NFATC2: variants seen among roughly 807,000 people sequenced by gnomAD.
NFATC2 encodes the protein nuclear factor of activated T-cells, cytoplasmic 2.
Under a neutral mutation model 87.3 loss-of-function variants are expected in NFATC2, and 22 were observed. That is an observed-to-expected ratio of 0.25 (90% confidence interval 0.18 to 0.36). The LOEUF is 0.36. Among genes scored for constraint, NFATC2 ranks in the 10% least tolerant of loss-of-function variants. The probability of loss-of-function intolerance (pLI) is 1.00; values close to 1 mark genes in which losing one functional copy is unlikely to be tolerated. For synonymous variants in NFATC2, 565 were observed against 542.2 expected (o/e 1.04, Z -0.58); for missense variants, 1,149 against 1,259.1 (o/e 0.91, Z 1.32).
At chr20:51,410,732 A>T (rs1344561980) in intron 9 of NFATC2, among the ~76,000 whole-genome samples, 1 of 152,150 alleles carries the variant, frequency 6.6e-6, no homozygotes, top group African/African-American at 2.4e-5. Flanking sequence ...TGGCACATCT[A>T]GAGAGCATTC....
At chr20:51,396,301 GA>G (rs2146214102) in intron 10 of NFATC2, among the ~76,000 whole-genome samples, 1 of 152,062 alleles carries the variant, frequency 6.6e-6, no homozygotes, top group African/African-American at 2.4e-5. Flanking sequence ...TCAGAGCTCA[GA>G]GGTTCCCAAA....
rs576559023 is a variant in NFATC2 at position 51,497,328 on chromosome 20, A to G, written c.1332+19456T>C. 3.3e-5 allele frequency among the ~76,000 whole-genome samples: 5 copies of G among 152,320 alleles called. No individual in the cohort carries two copies. The South Asian group carries it at 8.3e-4, about 25-fold the overall frequency. On this transcript the variant is annotated intron_variant, in intron 3 of 10. Coordinates refer to ENST00000371564, the MANE Select transcript of NFATC2 (RefSeq NM_012340.5). Reference sequence around the variant, plus strand: ...GCAGCAAGAAAAATAACAATCCACCAAAAGATAAATGCAAAAAGAAGATGC... The same window carrying G: ...GCAGCAAGAAAAATAACAATCCACCGAAAGATAAATGCAAAAAGAAGATGC...
intron 1 of NFATC2, among the ~76,000 whole-genome samples, chr20:51,550,420 G>A (rs947453320): frequency 6.6e-5 from 10 of 152,026 alleles, no homozygotes; most frequent in African/African-American, 9.6e-5. Flanking sequence ...GTGAAACCCC[G>A]TCTCTACTAA....
chr20:51,410,451 A>C (rs1292142712), intron 9 of NFATC2, among the ~76,000 whole-genome samples: 2 of 152,034 alleles, frequency 1.3e-5, no homozygotes, highest in Non-Finnish European at 2.9e-5. Context: ...GCTTAGGGGG[A>C]GGGGTAAGTA....
intron 10 of NFATC2, among the ~76,000 whole-genome samples, chr20:51,398,091 C>A (rs183343998): frequency 1.3e-5 from 2 of 152,218 alleles, no homozygotes; most frequent in Admixed American, 1.3e-4. Flanking sequence ...GATTTCAAAT[C>A]CAGAAACCAA....
intron 6 of NFATC2, among the ~76,000 whole-genome samples, chr20:51,438,732 C>T (rs1455005050): frequency 6.6e-6 from 1 of 152,178 alleles, no homozygotes; most frequent in East Asian, 1.9e-4. Context: ...GTGTGCATGG[C>T]AGACAAAACT....
At chr20:51,435,645 G>C in intron 7 of NFATC2, 61 bp downstream of exon 7, 1 of 1,528,584 alleles carries the variant, frequency 6.5e-7, no homozygotes, top group Non-Finnish European at 9.0e-7. Context: ...AAGAAGGAAA[G>C]AGCATGAAAG....
At chr20:51,557,456 G>T (rs992104805) in intron 1 of NFATC2, among the ~76,000 whole-genome samples, 1 of 152,190 alleles carries the variant, frequency 6.6e-6, no homozygotes, top group Non-Finnish European at 1.5e-5. Flanking sequence ...CTGACACACG[G>T]TTGACACTCA....
In NFATC2 at chr20:51,523,635, A is replaced by G; in HGVS notation, c.606T>C (p.Cys202=). The part of the protein sequence containing the change: ...SPNNGGPDDL[C]PQFQNIPAHY... ...GAGCAGGGATGTTTTGAAACTGCGG[A>G]CACAGGTCGTCGGGCCCGCCGTTAT... Residue 202 remains cysteine (C), a synonymous_variant, in exon 2 of 11, where the codon TGT becomes TGC. Coordinates refer to ENST00000371564, the MANE Select transcript of NFATC2 (RefSeq NM_012340.5). This position sits in a 1 kb window ranked among gnomAD's most constrained non-coding sequence, Gnocchi z 6.9. 6.2e-7 allele frequency: 1 copy of G among 1,613,816 alleles called. No individual in the cohort carries two copies. The highest frequency in any genetic ancestry group is 8.5e-7 in the Non-Finnish European group (1 of 1,179,834).
At chr20:51,446,396 C>A (rs1205619257) in intron 6 of NFATC2, among the ~76,000 whole-genome samples, 1 of 152,160 alleles carries the variant, frequency 6.6e-6, no homozygotes, top group African/African-American at 2.4e-5. Flanking sequence ...AATACACCAC[C>A]AACCCCATCT....
chr20:51,425,181 T>C (rs572515285), intron 9 of NFATC2, among the ~76,000 whole-genome samples: 3 of 152,268 alleles, frequency 2.0e-5, no homozygotes, highest in Admixed American at 6.5e-5. Flanking sequence ...GGGGAAGACA[T>C]CTTCTGCTGG....
chr20:51,520,739 C>T (rs2076431029), intron 2 of NFATC2, among the ~76,000 whole-genome samples: 1 of 152,092 alleles, frequency 6.6e-6, no homozygotes, highest in African/African-American at 2.4e-5. Context: ...CAGCTCACTG[C>T]AACCTCCGCC....
intron 3 of NFATC2, among the ~76,000 whole-genome samples, chr20:51,502,217 C>A (rs549102672): frequency 1.3e-4 from 20 of 152,194 alleles, no homozygotes; most frequent in African/African-American, 1.7e-4. Context: ...TGAATAAATA[C>A]AAGATAAGAG....
chr20:51,522,360 A>G (rs1600939708), intron 2 of NFATC2, among the ~76,000 whole-genome samples: 1 of 152,188 alleles, frequency 6.6e-6, no homozygotes, highest in Admixed American at 6.5e-5. Flanking sequence ...AAGGTGCCCA[A>G]TGAGAAAGAG....
At position 51,542,392 on chromosome 20, in the gene NFATC2, A is replaced by G; in HGVS notation, c.108T>C (p.Tyr36=). Residue 36 remains tyrosine (Y), a synonymous_variant, in exon 1 of 11, where the codon TAT becomes TAC. Coordinates refer to ENST00000371564, the MANE Select transcript of NFATC2 (RefSeq NM_012340.5). ...GACCTTCGTTCGGATTCAAATACTC[A>G]TAGTCGAAGAGGATGGAGAAGTCAA... ...DELDFSILFD[Y]EYLNPNEEEP... The G allele has an allele frequency of 6.2e-7, 1 of 1,605,580 alleles. No homozygotes were observed. Among genetic ancestry groups the G allele is most frequent in the Non-Finnish European group, 8.5e-7 (1 of 1,175,590 alleles).
chr20:51,468,545 A>G (rs1987906640), intron 5 of NFATC2, among the ~76,000 whole-genome samples: 1 of 152,204 alleles, frequency 6.6e-6, no homozygotes, highest in Non-Finnish European at 1.5e-5. Context: ...AGAAAGCCAT[A>G]GTGGCTTGGG....
chr20:51,402,408 C>T (rs1027535870), intron 9 of NFATC2, among the ~76,000 whole-genome samples: 2 of 152,038 alleles, frequency 1.3e-5, no homozygotes, highest in African/African-American at 4.8e-5. Context: ...TCATCACCAC[C>T]TCGGCCCCAA....
chr20:51,539,110 T>C (rs1242177409), intron 1 of NFATC2, among the ~76,000 whole-genome samples: 2 of 152,140 alleles, frequency 1.3e-5, no homozygotes, highest in Non-Finnish European at 2.9e-5. Flanking sequence ...TGGAGTGGAA[T>C]CACATGGGCT....
chr20:51,532,412 C>G (rs969952471), intron 1 of NFATC2, among the ~76,000 whole-genome samples: 1 of 152,078 alleles, frequency 6.6e-6, no homozygotes, highest in Admixed American at 6.5e-5. Context: ...AAGCAAGGAT[C>G]CCCCCCGGAA....
Sources: gnomAD v4.1 joint callset for allele counts (sites outside exome capture counted in the v4.1 genomes callset) on GRCh38, gnomAD v4.1.1 for gene constraint, Gnocchi (gnomAD v3.1) non-coding constraint, MANE v1.5 for transcripts, NCBI Gene and HGNC (gene_info 2026-07-23, HGNC 2026-07-21) for gene names.